Variants in TRAPPC9 observed in about 807,000 individuals in gnomAD.
The protein encoded by TRAPPC9 is trafficking protein particle complex subunit 9, also known as IKK2 binding protein.
TRAPPC9 carries 83 observed loss-of-function variants against 124.0 expected under a neutral mutation model. The ratio of observed to expected loss-of-function variants is 0.67; its 90% CI spans 0.56 to 0.80. The LOEUF (loss-of-function observed/expected upper bound fraction) is 0.80. Among genes scored for constraint, TRAPPC9 ranks in the 30% least tolerant of loss-of-function variants. TRAPPC9 has a pLI of 0.00. For missense variants in TRAPPC9, 1,302 were observed against 1,508.3 expected (o/e 0.86, Z 2.27); for synonymous variants, 638 against 617.5 (o/e 1.03, Z -0.49).
intron 15 of TRAPPC9, among the ~76,000 whole-genome samples, chr8:140,272,154 CAGT>C (rs2064937656): frequency 4.8e-5 from 2 of 41,342 alleles, no homozygotes. Context: ...ATGGTGGTAG[CAGT>C]GATGGCAGTG....
chr8:140,054,830 C>T (rs1318770337), intron 17 of TRAPPC9, among the ~76,000 whole-genome samples: 1 of 151,442 alleles, frequency 6.6e-6, no homozygotes, highest in Non-Finnish European at 1.5e-5. Flanking sequence ...AAACACAAAA[C>T]CTACCAAGAC....
chr8:140,458,145 G>GGAAGGAGGGA, upstream of TRAPPC9: 1 of 1,478,994 alleles, frequency 6.8e-7, no homozygotes, highest in African/African-American at 1.6e-5. Context: ...AGAGGAGGAG[G>GGAAGGAGGGA]GAAGGAGGGA....
At chr8:140,448,122 G>A (rs1432428263) in intron 2 of TRAPPC9, among the ~76,000 whole-genome samples, 1 of 148,878 alleles carries the variant, frequency 6.7e-6, no homozygotes, top group Non-Finnish European at 1.5e-5. Context: ...CTCCAGCCTG[G>A]GTGACAGAGC....
At position 140,257,345 on chromosome 8, in the gene TRAPPC9, C is replaced by A. The variant is rs1265119384; in HGVS notation, c.2279-4416G>T. On this transcript the variant is annotated intron_variant, in intron 15 of 22. Coordinates refer to ENST00000438773, the MANE Select transcript of TRAPPC9 (RefSeq NM_001160372.4). This position sits in a 1 kb window ranked among gnomAD's most constrained non-coding sequence, Gnocchi z 4.6. Reference sequence around the variant, plus strand: ...GCTGCCTCTTCTCCACGCAGCAGTGCTGGCACTGGCCTGGGCCTCTTCTGC... The same window carrying A: ...GCTGCCTCTTCTCCACGCAGCAGTGATGGCACTGGCCTGGGCCTCTTCTGC... Among the ~76,000 whole-genome samples, 3 of 152,230 alleles carry A rather than the reference C, an allele frequency of 2.0e-5. No individual in the cohort carries two copies. Among genetic ancestry groups the A allele is most frequent in the African/African-American group, 7.2e-5 (3 of 41,456 alleles).
In TRAPPC9 at chr8:140,233,119, T is replaced by C. The variant is rs1263762474; in HGVS notation, c.2432-11536A>G. Among the ~76,000 whole-genome samples, 5 of 152,186 alleles carry C rather than the reference T, an allele frequency of 3.3e-5. 1 individual carries two copies. The highest frequency in any genetic ancestry group is 6.8e-3 in the Middle Eastern group (2 of 292). ...AAGGTAGAGCATTGATTTTTAAAAG[T>C]CTCCAAAGTAAAGGCTCACCCCATC... On this transcript the variant is annotated intron_variant, in intron 16 of 22. Transcript: ENST00000438773.
At chr8:139,871,574 G>A (rs113036933) in intron 21 of TRAPPC9, among the ~76,000 whole-genome samples, 1,630 of 152,276 alleles carry the variant, frequency 0.011, 31 homozygotes, top group African/African-American at 0.037. Flanking sequence ...ATGATGAAAG[G>A]CATGGCCCCA....
chr8:139,973,718 C>T (rs539033037), intron 19 of TRAPPC9, among the ~76,000 whole-genome samples: 14 of 152,166 alleles, frequency 9.2e-5, no homozygotes, highest in African/African-American at 2.4e-5. Flanking sequence ...AAGTCGAAGG[C>T]GGTACTGAGA....
chr8:139,803,715 T>C (rs79780035), intron 21 of TRAPPC9, among the ~76,000 whole-genome samples: 1,677 of 152,350 alleles, frequency 0.011, 28 homozygotes, highest in African/African-American at 0.039. Flanking sequence ...AAAGGCGATA[T>C]GTGGCTGTTC....
At chr8:139,749,341 A>G (rs1484804637) in intron 21 of TRAPPC9, among the ~76,000 whole-genome samples, 1 of 152,196 alleles carries the variant, frequency 6.6e-6, no homozygotes. Context: ...TGGACAGACG[A>G]TAAGATGGCC....
At chr8:139,791,601 C>T (rs1822682573) in intron 21 of TRAPPC9, among the ~76,000 whole-genome samples, 1 of 152,222 alleles carries the variant, frequency 6.6e-6, no homozygotes, top group South Asian at 2.1e-4. Context: ...CACACTCACA[C>T]AGGCGCCCGT....
Position 140,241,611 on chromosome 8 carries a change from C to T in TRAPPC9, c.2431+11166G>A, listed in dbSNP as rs1349885566. On this transcript the variant is annotated intron_variant, in intron 16 of 22. Coordinates refer to ENST00000438773, the MANE Select transcript of TRAPPC9 (RefSeq NM_001160372.4). The surrounding 1 kb of genome is among the most constrained non-coding windows in gnomAD (Gnocchi z 5.0). ...TCGGAAGGCTGAGACAGGAGAATCG[C>T]TTAAGCCCGGGAGGCAGAGGTTGCA... Among the ~76,000 whole-genome samples, 2 of 151,772 alleles carry T rather than the reference C, an allele frequency of 1.3e-5. No individual in the cohort carries two copies. The highest frequency in any genetic ancestry group is 2.9e-5 in the Non-Finnish European group (2 of 67,968).
At chr8:140,200,289 C>T (rs541127318) in intron 17 of TRAPPC9, among the ~76,000 whole-genome samples, 7 of 152,216 alleles carry the variant, frequency 4.6e-5, no homozygotes, top group Admixed American at 3.3e-4. Flanking sequence ...CAAGGCCAAC[C>T]GGGACAAGAC....
At chr8:139,804,100 TCACCAC>T (rs200507066) in intron 21 of TRAPPC9, among the ~76,000 whole-genome samples, 63 of 70,782 alleles carry the variant, frequency 8.9e-4, no homozygotes, top group African/African-American at 3.5e-3. Context: ...CCACCACCAC[TCACCAC>T]CACCACCAAA....
rs149800728 is a variant in TRAPPC9, at chr8:139,803,295, G to A, written c.3056-71093C>T. The stretch of plus-strand genomic sequence containing the variant: ...GCTCACAGCCTCTCAGGAAGGCAAC[G>A]TCCGTTGGAAACTCTAGAGCGGCGA... On this transcript the variant is annotated intron_variant, in intron 21 of 22. Coordinates refer to ENST00000438773, the MANE Select transcript of TRAPPC9 (RefSeq NM_001160372.4). Among the ~76,000 whole-genome samples, 6 of 152,366 alleles carry A rather than the reference G, an allele frequency of 3.9e-5. No homozygotes were observed. In the East Asian group the frequency reaches 7.7e-4, roughly 20 times the overall value.
At chr8:140,309,862 T>G (rs1002595922) in intron 10 of TRAPPC9, among the ~76,000 whole-genome samples, 2 of 152,192 alleles carry the variant, frequency 1.3e-5, no homozygotes, top group African/African-American at 4.8e-5. Flanking sequence ...CTGGACATTC[T>G]GAGGAGCAGC....
chr8:140,069,396 A>C (rs994832948), intron 17 of TRAPPC9, among the ~76,000 whole-genome samples: 1 of 152,076 alleles, frequency 6.6e-6, no homozygotes, highest in African/African-American at 2.4e-5. Flanking sequence ...GCGGGGGTGG[A>C]ATTTGGTGGG....
chr8:140,398,051 GTTTCTGCTTTTGCA>G (rs760333850), intron 6 of TRAPPC9, among the ~76,000 whole-genome samples: 1 of 152,192 alleles, frequency 6.6e-6, no homozygotes, highest in African/African-American at 2.4e-5. Flanking sequence ...TTTATCAGGG[GTTTCTGCTTTTGCA>G]TTTCCTCATT....
Position 140,087,023 on chromosome 8 carries a change from A to ACTGC in TRAPPC9, c.2557-62948_2557-62945dup, listed in dbSNP as rs1253515833. Among the ~76,000 whole-genome samples, 1 of 152,036 alleles carries ACTGC rather than the reference A, an allele frequency of 6.6e-6. No homozygotes were observed. Among genetic ancestry groups the ACTGC allele is most frequent in the Admixed American group, 6.5e-5 (1 of 15,274 alleles). On this transcript the variant is annotated intron_variant, in intron 17 of 22. Transcript: ENST00000438773. This position sits in a 1 kb window ranked among gnomAD's most constrained non-coding sequence, Gnocchi z 4.6. ...TCTCTACAGCAGAGCTCCTGCAAGC[A>ACTGC]CTGCCTGCTCGGGCTGGCTCTACTT...
intron 21 of TRAPPC9, among the ~76,000 whole-genome samples, chr8:139,795,455 G>A (rs148345339): frequency 6.6e-6 from 1 of 150,984 alleles, no homozygotes; most frequent in Non-Finnish European, 1.5e-5. Context: ...ACCACTTGCA[G>A]CCTGTGTTTG....
Sources: allele counts gnomAD v4.1 joint callset (sites outside exome capture counted in the v4.1 genomes callset), GRCh38; gene constraint gnomAD v4.1.1; non-coding constraint Gnocchi (gnomAD v3.1); transcripts MANE v1.5; gene names NCBI Gene and HGNC (gene_info 2026-07-23, HGNC 2026-07-21).